SLC27A4: variants seen among roughly 807,000 people sequenced by gnomAD.
SLC27A4 encodes long-chain fatty acid transport protein 4.
A neutral mutation model predicts 64.4 loss-of-function variants in SLC27A4; 33 were observed. The ratio of observed to expected loss-of-function variants is 0.51; its 90% confidence interval spans 0.39 to 0.68. The LOEUF (loss-of-function observed/expected upper bound fraction) is 0.68. Ranked by LOEUF, SLC27A4 falls within the 30% of genes least tolerant of loss-of-function variation. The pLI is 0.00. For synonymous variants in SLC27A4, 377 were observed against 370.0 expected (o/e 1.02, Z -0.22); for missense variants, 824 against 883.5 (o/e 0.93, Z 0.85).
chr9:128,348,721 C>T lies in SLC27A4; in HGVS notation c.715+18C>T. The T allele has an allele frequency of 1.2e-6, 2 of 1,611,668 alleles. No homozygotes were observed. The highest frequency in any genetic ancestry group is 2.2e-5 in the East Asian group (1 of 44,870). On this transcript the variant is annotated intron_variant, in intron 4 of 12. Coordinates refer to ENST00000300456, the MANE Select transcript of SLC27A4 (RefSeq NM_005094.4). ...CTTCACAGGTGGGCTCCATCCCCTC[C>T]CCATAGAGGGGCTCTCACACAGGCC... is the stretch of plus-strand genomic sequence containing the variant.
chr9:128,358,309 A>G (rs974210567), intron 12 of SLC27A4, among the ~76,000 whole-genome samples: 30 of 152,208 alleles, frequency 2.0e-4, no homozygotes, highest in Admixed American at 1.1e-3. Context: ...GAAATGTTCT[A>G]GGTTTCTGCT....
chr9:128,352,534 G>C, intron 6 of SLC27A4, 104 bp from the exon 7 acceptor site: 1 of 913,206 alleles, frequency 1.1e-6, no homozygotes, highest in Non-Finnish European at 1.8e-6. Flanking sequence ...GCAGAAGCCT[G>C]CAGGGCAGCA....
intron 3 of SLC27A4, 71 bp from the exon 4 acceptor site, chr9:128,348,474 T>A: frequency 6.3e-7 from 1 of 1,589,070 alleles, no homozygotes. Flanking sequence ...TGGCCAGCCC[T>A]GCTGGGAGCA....
At chr9:128,344,764 T>A (rs1022186587) in intron 2 of SLC27A4, among the ~76,000 whole-genome samples, 1 of 151,660 alleles carries the variant, frequency 6.6e-6, no homozygotes, top group Admixed American at 6.6e-5. Flanking sequence ...AAACAAGGAG[T>A]TTGGACTTTT....
intron 4 of SLC27A4, among the ~76,000 whole-genome samples, chr9:128,349,227 G>A (rs1832700194): frequency 6.6e-6 from 1 of 152,120 alleles, no homozygotes; most frequent in South Asian, 2.1e-4. Flanking sequence ...AGCCTACCTG[G>A]TTCTTCTGCT....
At chr9:128,348,463 A>C in intron 3 of SLC27A4, 82 bp from the exon 4 acceptor site, 2 of 1,562,964 alleles carry the variant, frequency 1.3e-6, no homozygotes, top group Non-Finnish European at 8.8e-7. Flanking sequence ...CCTCAGCAAC[A>C]TGGCCAGCCC....
intron 3 of SLC27A4, among the ~76,000 whole-genome samples, 181 bp from the exon 4 acceptor site, chr9:128,348,364 A>C (rs1832687686): frequency 6.6e-6 from 1 of 152,204 alleles, no homozygotes; most frequent in Non-Finnish European, 1.5e-5. Flanking sequence ...CTCTGTGGTT[A>C]GCCCATGGCT....
chr9:128,340,957 G>A (rs1199272872), intron 1 of SLC27A4, 119 bp downstream of exon 1: 3 of 483,252 alleles, frequency 6.2e-6, no homozygotes, highest in Non-Finnish European at 1.1e-5. Flanking sequence ...TTCCCCGACA[G>A]ACGCACTGTT....
At chr9:128,348,435 C>T in intron 3 of SLC27A4, 110 bp from the exon 4 acceptor site, 1 of 1,394,446 alleles carries the variant, frequency 7.2e-7, no homozygotes, top group South Asian at 1.2e-5. Context: ...ACTGCCTCTC[C>T]TCCTGCCCAG....
intron 3 of SLC27A4, 60 bp from the exon 4 acceptor site, chr9:128,348,485 G>A: frequency 1.2e-6 from 2 of 1,601,940 alleles, no homozygotes; most frequent in South Asian, 2.2e-5. Flanking sequence ...GCTGGGAGCA[G>A]AGGTCCCTGG....
intron 1 of SLC27A4, chr9:128,342,462 G>A: frequency 6.6e-7 from 1 of 1,513,716 alleles, no homozygotes; most frequent in Non-Finnish European, 9.1e-7. Flanking sequence ...ATGCAAAGAG[G>A]TTGGATCAAG....
At chr9:128,354,976 A>C in intron 9 of SLC27A4, 77 bp from the exon 10 acceptor site, 3 of 1,187,436 alleles carry the variant, frequency 2.5e-6, no homozygotes, top group Non-Finnish European at 3.5e-6. Flanking sequence ...AAAAAAAAAG[A>C]CGCAGGGTAC....
chr9:128,352,517 G>A (rs779572362), intron 6 of SLC27A4, 121 bp from the exon 7 acceptor site: 4 of 790,828 alleles, frequency 5.1e-6, no homozygotes, highest in South Asian at 1.5e-5. Context: ...GCAGGCAGAT[G>A]TGAGGTGCAG....
At position 128,345,216 on chromosome 9, in the gene SLC27A4, A is replaced by G; in HGVS notation, c.223A>G (p.Thr75Ala). 1 of 1,613,632 alleles carries G rather than the reference A, an allele frequency of 6.2e-7. No individual in the cohort carries two copies. The highest frequency in any genetic ancestry group is 8.5e-7 in the Non-Finnish European group (1 of 1,179,992). The change falls in exon 3 of 13, where the codon ACA becomes GCA. Residue 75 changes from threonine (T) to alanine (A), a missense_variant. By Grantham distance (58) the Thr-to-Ala change is moderately conservative. Transcript: ENST00000300456. The surrounding 1 kb of genome is among the most constrained non-coding windows in gnomAD (Gnocchi z 4.1). ...KVRQCLQERR[T>A]VPILFASTVR... is the part of the protein sequence containing the mutation. The stretch of plus-strand genomic sequence containing the variant: ...GCGACAGTGCCTGCAGGAGCGGCGG[A>G]CAGTGCCCATTTTGTTTGCCTCTAC...
Position 128,345,101 on chromosome 9 carries a change from G to T in SLC27A4, c.162-54G>T. 1 of 1,609,602 alleles carries T rather than the reference G, an allele frequency of 6.2e-7. No homozygotes were observed. Among genetic ancestry groups the T allele is most frequent in the Non-Finnish European group, 8.5e-7 (1 of 1,178,670 alleles). Reference sequence around the variant, plus strand: ...GCAGCAGCCTGGGGTAGGGTGTCAGGACCCCTCCCTCCCAACCATGGCAGA... The same window carrying T: ...GCAGCAGCCTGGGGTAGGGTGTCAGTACCCCTCCCTCCCAACCATGGCAGA... On this transcript the variant is annotated intron_variant, in intron 2 of 12. Coordinates refer to ENST00000300456, the MANE Select transcript of SLC27A4 (RefSeq NM_005094.4). This position sits in a 1 kb window ranked among gnomAD's most constrained non-coding sequence, Gnocchi z 4.1.
Position 128,350,587 on chromosome 9 carries a change from G to A in SLC27A4, c.877+12G>A. On this transcript the variant is annotated intron_variant, in intron 6 of 12. Coordinates refer to ENST00000300456, the MANE Select transcript of SLC27A4 (RefSeq NM_005094.4). ...CTACCACTCAGCAGGTAACTCTAGG[G>A]CTGTCACACAGCCTCCAGCACCTGC... The A allele has an allele frequency of 6.2e-7, 1 of 1,602,554 alleles. No homozygotes were observed. The highest frequency in any genetic ancestry group is 8.5e-7 in the Non-Finnish European group (1 of 1,172,258).
intron 12 of SLC27A4, among the ~76,000 whole-genome samples, chr9:128,358,794 G>A (rs978298524): frequency 2.6e-5 from 4 of 152,130 alleles, no homozygotes; most frequent in Non-Finnish European, 5.9e-5. Context: ...CATATTGGAC[G>A]GCGCCGGTCT....
At chr9:128,347,676 A>C (rs1334777257) in intron 3 of SLC27A4, among the ~76,000 whole-genome samples, 1 of 142,468 alleles carries the variant, frequency 7.0e-6, no homozygotes, top group Admixed American at 7.5e-5. Flanking sequence ...ATGCCACTGC[A>C]CTCCAGCCTG....
At chr9:128,356,909 T>C (rs770132076) in intron 12 of SLC27A4, among the ~76,000 whole-genome samples, 1 of 152,016 alleles carries the variant, frequency 6.6e-6, no homozygotes, top group Non-Finnish European at 1.5e-5. Flanking sequence ...CAGGGCAACA[T>C]GATGAAACCC....
Sources: gnomAD v4.1 joint callset for allele counts (sites outside exome capture counted in the v4.1 genomes callset) on GRCh38, gnomAD v4.1.1 for gene constraint, Gnocchi (gnomAD v3.1) non-coding constraint, MANE v1.5 for transcripts, NCBI Gene and HGNC (gene_info 2026-07-23, HGNC 2026-07-21) for gene names.